ULK2: variants seen among roughly 807,000 people sequenced by gnomAD.
ULK2 encodes serine/threonine-protein kinase ULK2.
Under a neutral mutation model 127.5 loss-of-function variants are expected in ULK2, and 76 were observed. That is an observed-to-expected ratio of 0.60 (90% CI 0.50 to 0.72). The LOEUF (loss-of-function observed/expected upper bound fraction) is 0.72, where lower values mean the gene tolerates loss of function less well. ULK2 is among the 30% of genes least tolerant of loss of function. The probability of loss-of-function intolerance (pLI) is 0.00; values close to 1 mark genes in which losing one functional copy is unlikely to be tolerated. For synonymous variants in ULK2, 452 were observed against 461.9 expected, an observed-to-expected ratio of 0.98 and a Z score of 0.28; for missense variants, 1,144 against 1,295.9, an observed-to-expected ratio of 0.88 and a Z score of 1.80.
chr17:19,838,803 G>A (rs1269718661), intron 9 of ULK2, among the ~76,000 whole-genome samples: 1 of 151,970 alleles, frequency 6.6e-6, no homozygotes, highest in African/African-American at 2.4e-5. Flanking sequence ...CGAGACAGGT[G>A]GATCATGAGG....
At chr17:19,822,032 T>G (rs1051305124) in intron 12 of ULK2, among the ~76,000 whole-genome samples, 1 of 151,610 alleles carries the variant, frequency 6.6e-6, no homozygotes, top group Non-Finnish European at 1.5e-5. Flanking sequence ...TCACAAAGTC[T>G]TGCTCTGCAG....
At chr17:19,804,642 T>A (rs769363933) in intron 15 of ULK2, 51 bp downstream of exon 15, 3 of 1,531,970 alleles carry the variant, frequency 2.0e-6, no homozygotes, top group Non-Finnish European at 2.6e-6. Flanking sequence ...CAATAAATTT[T>A]TTTTAAAGGA....
intron 10 of ULK2, 37 bp from the exon 11 acceptor site, chr17:19,826,223 C>G: frequency 7.7e-7 from 1 of 1,290,494 alleles, no homozygotes; most frequent in Non-Finnish European, 1.0e-6. Flanking sequence ...TTTAAAGAGA[C>G]ATTGACTAAA....
intron 3 of ULK2, among the ~76,000 whole-genome samples, chr17:19,855,257 A>C (rs1417045539): frequency 6.6e-6 from 1 of 151,864 alleles, no homozygotes; most frequent in Non-Finnish European, 1.5e-5. Flanking sequence ...ACAAAAAATT[A>C]GCCAGGCATG....
At chr17:19,840,879 A>T (rs2041733360) in intron 9 of ULK2, among the ~76,000 whole-genome samples, 1 of 151,800 alleles carries the variant, frequency 6.6e-6, no homozygotes. Context: ...ACAGAGCAAG[A>T]CTCTGTCTCA....
intron 10 of ULK2, among the ~76,000 whole-genome samples, chr17:19,833,140 A>AC (rs967274279): frequency 1.3e-5 from 2 of 151,706 alleles, no homozygotes; most frequent in African/African-American, 4.8e-5. Flanking sequence ...AAAAAAAAAA[A>AC]AAAAAAAAAA....
At chr17:19,840,568 TAAA>T (rs201662392) in intron 9 of ULK2, 131 of 183,516 alleles carry the variant, frequency 7.1e-4, no homozygotes, top group South Asian at 1.5e-3. Flanking sequence ...ATTAATCATT[TAAA>T]AAAAAAAAAA....
Position 19,816,867 on chromosome 17 carries a change from C to T in ULK2, c.978G>A (p.Leu326=). ...IQEENLSSPP[L]GPPNYLQVSK... ...AAACTTGTAGATAGTTGGGAGGACC[C>T]AATGGTGGGGAAGATAAGTTTTCTT... The change falls in exon 13 of 27, where the codon TTG becomes TTA. Residue 326 remains leucine, a synonymous_variant. Coordinates refer to ENST00000395544, the MANE Select transcript of ULK2 (RefSeq NM_014683.4). 1 of 1,610,924 alleles carries T rather than the reference C, an allele frequency of 6.2e-7. No homozygotes were observed. Among genetic ancestry groups the T allele is most frequent in the South Asian group, 1.1e-5 (1 of 90,278 alleles).
At chr17:19,867,151 G>A (rs2042368965) in intron 1 of ULK2, among the ~76,000 whole-genome samples, 177 bp downstream of exon 1, 1 of 152,116 alleles carries the variant, frequency 6.6e-6, no homozygotes. Flanking sequence ...CAGAGGCTTG[G>A]GCCTCACAAC....
intron 26 of ULK2, among the ~76,000 whole-genome samples, chr17:19,777,147 C>T (rs552494393): frequency 3.9e-5 from 6 of 152,208 alleles, no homozygotes; most frequent in African/African-American, 1.2e-4. Context: ...CTTTGTCGCC[C>T]AGGCTGGAGT....
Position 19,780,534 on chromosome 17 carries a change from A to G in ULK2, c.2854T>C (p.Phe952Leu). Residue 952 changes from phenylalanine (F) to leucine (L), a missense_variant, in exon 25 of 27, where the codon TTT (phenylalanine) becomes CTT (leucine). Coordinates refer to ENST00000395544, the MANE Select transcript of ULK2 (RefSeq NM_014683.4). ...LNRFFSDKQRFIDEINSVTAE... is the reference protein window; with the variant it reads ...LNRFFSDKQRLIDEINSVTAE... ...GTCACACTGTTGATTTCATCAATAA[A>G]CCTCTGTTTGTCAGAGAAGAATCGA... 1 of 1,613,898 alleles carries G rather than the reference A, an allele frequency of 6.2e-7. No homozygotes were observed. The highest frequency in any genetic ancestry group is 8.5e-7 in the Non-Finnish European group (1 of 1,179,932).
At chr17:19,804,503 T>C (rs1413036574) in intron 15 of ULK2, among the ~76,000 whole-genome samples, 190 bp downstream of exon 15, 2 of 152,012 alleles carry the variant, frequency 1.3e-5, no homozygotes, top group Admixed American at 6.6e-5. Context: ...TATCATACTA[T>C]ATTATCAAGC....
chr17:19,846,210 G>T (rs1024318541), intron 6 of ULK2, among the ~76,000 whole-genome samples: 1 of 152,118 alleles, frequency 6.6e-6, no homozygotes, highest in African/African-American at 2.4e-5. Context: ...AGAGACGCAG[G>T]TATTCATATT....
Position 19,783,703 on chromosome 17 carries a change from C to T in ULK2, c.2454G>A (p.Leu818=), listed in dbSNP as rs1279935334. 1.3e-6 allele frequency: 2 copies of T among 1,527,504 alleles called. No homozygotes were observed. The highest frequency in any genetic ancestry group is 2.8e-5 in the African/African-American group (2 of 71,530). The allele number at this position is 1,527,504 out of a possible 1,614,324, so 94.6% of individuals were successfully genotyped here. Residue 818 remains leucine, a synonymous_variant, in exon 22 of 27, where the codon CTG becomes CTA. Coordinates refer to ENST00000395544, the MANE Select transcript of ULK2 (RefSeq NM_014683.4). ...ACTATAGTCTCTTTTCTACCTCCAT[C>T]AGCGTCTCCTCCGGCAGTTCAGGGG... ...FEAPELPEET[L]MEREHTDTLR... is the part of the protein sequence containing the mutation.
rs2087270053 is a variant in ULK2 at position 19,796,296 on chromosome 17, TA to T, written c.1810-15del. 2.3e-6 allele frequency: 2 copies of T among 882,108 alleles called. No homozygotes were observed. Among genetic ancestry groups the T allele is most frequent in the East Asian group, 4.2e-5 (1 of 23,540 alleles). 54.6% of individuals were successfully genotyped at this position (882,108 alleles called of 1,614,324 possible). A position where few individuals can be genotyped will look rare whatever the true frequency, so the allele number is the denominator to read the frequency against. ...AGGAGCTGTGGTCTAAAGAGACATA[TA>T]TATATATATATATGTAAACTAGTTA... On this transcript the variant is annotated splice_polypyrimidine_tract_variant and intron_variant, in intron 18 of 26. Coordinates refer to ENST00000395544, the MANE Select transcript of ULK2 (RefSeq NM_014683.4).
intron 12 of ULK2, 150 bp from the exon 13 acceptor site, chr17:19,817,070 G>T: frequency 1.6e-6 from 1 of 634,972 alleles, no homozygotes; most frequent in Non-Finnish European, 2.5e-6. Flanking sequence ...CTTTGGAAAA[G>T]CTTTCCTTTA....
chr17:19,814,439 T>TATATATATATATACACACACATATATA, intron 13 of ULK2, among the ~76,000 whole-genome samples: 1 of 9,994 alleles, frequency 1.0e-4, no homozygotes, highest in African/African-American at 2.1e-4. Context: ...TATATATATA[T>TATATATATATATACACACACATATATA]TTTTTTTTTT....
At chr17:19,814,454 T>TG (rs61708241) in intron 13 of ULK2, among the ~76,000 whole-genome samples, 1,653 of 96,634 alleles carry the variant, frequency 0.017, 18 homozygotes, top group East Asian at 0.052. Flanking sequence ...TTTTTTTTTT[T>TG]TTTTTTTTTG....
chr17:19,818,800 T>TC (rs2041061721), intron 12 of ULK2, among the ~76,000 whole-genome samples: 2 of 111,792 alleles, frequency 1.8e-5, no homozygotes, highest in African/African-American at 9.6e-5. Context: ...CTTTTTTCTT[T>TC]TTTTTTTTTT....
Sources: allele counts gnomAD v4.1 joint callset (sites outside exome capture counted in the v4.1 genomes callset), GRCh38; gene constraint gnomAD v4.1.1; transcripts MANE v1.5; gene names NCBI Gene and HGNC (gene_info 2026-07-23, HGNC 2026-07-21).